The following TRIM14 variants were observed in gnomAD, a reference collection of about 807,000 sequenced individuals.
TRIM14 encodes tripartite motif containing 14, also known as tripartite motif-containing protein 14.
A neutral mutation model predicts 44.5 loss-of-function variants in TRIM14; 28 were observed. That is an observed-to-expected ratio of 0.63 (90% confidence interval 0.47 to 0.86). The LOEUF (loss-of-function observed/expected upper bound fraction) is 0.86, where lower values mean the gene tolerates loss of function less well. Among genes scored for constraint, TRIM14 ranks in the 40% least tolerant of loss-of-function variants. The pLI is 0.00. For missense variants in TRIM14, 607 were observed against 611.1 expected, an observed-to-expected ratio of 0.99 and a Z score of 0.07; for synonymous variants, 299 against 269.2, an observed-to-expected ratio of 1.11 and a Z score of -1.08.
intron 3 of TRIM14, among the ~76,000 whole-genome samples, chr9:98,099,318 G>A (rs1427268096): frequency 6.6e-6 from 1 of 152,002 alleles, no homozygotes; most frequent in African/African-American, 2.4e-5. Context: ...CACGCATGGT[G>A]GCACATGCCT....
the TRIM14 span, among the ~76,000 whole-genome samples, chr9:98,041,811 T>C: frequency 1.3e-5 from 2 of 150,868 alleles, no homozygotes; most frequent in Admixed American, 1.3e-4. Context: ...GCCTCCCGAG[T>C]AGCTGGGACT....
the TRIM14 span, chr9:98,056,840 G>A: frequency 6.2e-7 from 1 of 1,612,096 alleles, no homozygotes; most frequent in Admixed American, 1.7e-5. Context: ...TGTCCCGGGC[G>A]CTGGGTGGGC....
In TRIM14 at chr9:98,119,198, C is replaced by A. The variant is rs1719301493; in HGVS notation, c.-10G>T. ...TCGCCGCGCCCGCCATTCATCTCCACCTCCTCCGGCTCCCCGGGACACAGG... is the reference window on the plus strand; with the variant it reads ...TCGCCGCGCCCGCCATTCATCTCCAACTCCTCCGGCTCCCCGGGACACAGG... On this transcript the variant is annotated 5_prime_UTR_variant, in exon 1 of 6. Transcript: ENST00000341469. 6.4e-7 allele frequency: 1 copy of A among 1,567,806 alleles called. No homozygotes were observed. The highest frequency in any genetic ancestry group is 1.4e-5 in the African/African-American group (1 of 71,050).
chr9:98,078,403 G>A, intron 6 of TRIM14: 2 of 1,564,248 alleles, frequency 1.3e-6, no homozygotes, highest in Non-Finnish European at 8.7e-7. Flanking sequence ...GGAAGGCGTA[G>A]TCTTTTTTAT....
chr9:98,053,638 T>C, the TRIM14 span, among the ~76,000 whole-genome samples: 1 of 150,574 alleles, frequency 6.6e-6, no homozygotes. Context: ...ATGTTTAACA[T>C]ACACACACAC....
intron 6 of TRIM14, chr9:98,074,948 TC>T (rs1372389292): frequency 2.0e-5 from 3 of 152,150 alleles, no homozygotes; most frequent in African/African-American, 7.2e-5. Flanking sequence ...TGATGTTTTT[TC>T]AGTTCTGTCT....
chr9:98,119,175 G>T lies in TRIM14; in HGVS notation c.14C>A (p.Ala5Glu), dbSNP rs778053648. The T allele has an allele frequency of 6.4e-7, 1 of 1,573,210 alleles. No homozygotes were observed. Among genetic ancestry groups the T allele is most frequent in the Non-Finnish European group, 8.5e-7 (1 of 1,170,212 alleles). Residue 5 changes from alanine (A) to glutamate (E), a missense_variant, in exon 1 of 6, where the codon GCG becomes GAG. By Grantham distance (107) the Ala-to-Glu change is moderately radical (BLOSUM62 -1). Transcript: ENST00000341469. ...CCTCCCAGGGGTCCGGCTCCCGGTC[G>T]CCGCGCCCGCCATTCATCTCCACCT... MAGA[A>E]TGSRTPGRSE... is the part of the protein sequence containing the mutation.
At chr9:98,055,371 G>A in the TRIM14 span, among the ~76,000 whole-genome samples, 1 of 152,170 alleles carries the variant, frequency 6.6e-6, no homozygotes, top group Non-Finnish European at 1.5e-5. Context: ...AGGCCAGTAT[G>A]CCAGGAGTGC....
chr9:98,092,092 A>G lies in TRIM14; in HGVS notation c.701-91T>C, dbSNP rs147326016. 7.4e-5 allele frequency: 71 copies of G among 964,292 alleles called. No homozygotes were observed. The African/African-American group carries it at 1.0e-3, about 14-fold the overall frequency. The allele number at this position is 964,292 out of a possible 1,614,324, so 59.7% of individuals were successfully genotyped here. ...AAATACCACACAACTGGAGATTCGC[A>G]TAATCTCGCCCAAGAGCCAGGCAGA... On this transcript the variant is annotated intron_variant, in intron 4 of 5. Transcript: ENST00000341469.
Position 98,087,557 on chromosome 9 carries a change from C to G in TRIM14, c.1242G>C (p.Leu414=). The G allele has an allele frequency of 6.3e-7, 1 of 1,596,538 alleles. No homozygotes were observed. Among genetic ancestry groups the G allele is most frequent in the Non-Finnish European group, 8.5e-7 (1 of 1,173,772 alleles). Residue 414 remains leucine, a synonymous_variant, in exon 6 of 6, where the codon CTG becomes CTC. Coordinates refer to ENST00000341469, the MANE Select transcript of TRIM14 (RefSeq NM_014788.4). ...FYDVTGGMSH[L]HTFRATFQEP... ...CCTGGAACGTGGCGCGGAAGGTATG[C>G]AGGTGGCTCATGCCGCCCGTCACGT...
intron 3 of TRIM14, among the ~76,000 whole-genome samples, chr9:98,098,852 C>T (rs1826283919): frequency 2.0e-5 from 3 of 152,022 alleles, no homozygotes; most frequent in African/African-American, 7.2e-5. Flanking sequence ...GTGGCATGAT[C>T]TCGTTACTCA....
chr9:98,097,333 C>T (rs539665177), intron 3 of TRIM14, among the ~76,000 whole-genome samples: 4 of 152,302 alleles, frequency 2.6e-5, no homozygotes, highest in African/African-American at 9.6e-5. Flanking sequence ...CTTATACCCT[C>T]ACCTCTCCTC....
intron 2 of TRIM14, among the ~76,000 whole-genome samples, chr9:98,103,483 T>C (rs1826478134): frequency 6.6e-6 from 1 of 152,158 alleles, no homozygotes; most frequent in Admixed American, 6.5e-5. Flanking sequence ...TGTAGTTCCA[T>C]ACTATACCAT....
In TRIM14 at chr9:98,087,634, CGA is replaced by C; in HGVS notation, c.1163_1164del (p.Leu388ArgfsTer120). 4 of 1,604,902 alleles carry C rather than the reference CGA, an allele frequency of 2.5e-6. No individual in the cohort carries two copies. Among genetic ancestry groups the C allele is most frequent in the Non-Finnish European group, 3.4e-6 (4 of 1,178,536 alleles). ...QRSRLRPRDDLDRLGVFLDYE... is the reference protein window; with the variant it reads ...QRSRLRPRDDXDRLGVFLDYE... ...TAGTCCAGGAAGACGCCGAGCCGGTCGAGGTCGTCGCGGGGCCGCAGGCGGCT... is the reference window on the plus strand; with the variant it reads ...TAGTCCAGGAAGACGCCGAGCCGGTCGGTCGTCGCGGGGCCGCAGGCGGCT... On this transcript the variant is annotated frameshift_variant, in exon 6 of 6. Coordinates refer to ENST00000341469, the MANE Select transcript of TRIM14 (RefSeq NM_014788.4). LOFTEE classifies it high-confidence loss of function.
chr9:98,092,485 G>A (rs1202964786), intron 4 of TRIM14: 3 of 412,362 alleles, frequency 7.3e-6, no homozygotes, highest in East Asian at 7.5e-5. Context: ...TGGGGCCGCA[G>A]CTCACTCAGC....
At chr9:98,042,696 C>G in the TRIM14 span, among the ~76,000 whole-genome samples, 1 of 151,930 alleles carries the variant, frequency 6.6e-6, no homozygotes, top group Non-Finnish European at 1.5e-5. Context: ...ACGGTGAAAC[C>G]CCGTCTCTAC....
the TRIM14 span, among the ~76,000 whole-genome samples, chr9:98,050,785 C>CT: frequency 6.6e-6 from 1 of 151,982 alleles, no homozygotes; most frequent in Admixed American, 6.6e-5. Flanking sequence ...TTGCACATTT[C>CT]TTTTTTTGAA....
At chr9:98,105,186 C>G (rs1056315313) in intron 2 of TRIM14, among the ~76,000 whole-genome samples, 1 of 152,152 alleles carries the variant, frequency 6.6e-6, no homozygotes, top group African/African-American at 2.4e-5. Context: ...ACAGCTCCTG[C>G]GGGTCACAGA....
the TRIM14 span, among the ~76,000 whole-genome samples, chr9:98,045,034 A>C: frequency 1.3e-5 from 2 of 152,044 alleles, no homozygotes; most frequent in Admixed American, 6.6e-5. Context: ...AATTGCCTGA[A>C]CCCAGAAGGC....
Sources: allele counts gnomAD v4.1 joint callset (sites outside exome capture counted in the v4.1 genomes callset), GRCh38; gene constraint gnomAD v4.1.1; transcripts MANE v1.5; gene names NCBI Gene and HGNC (gene_info 2026-07-23, HGNC 2026-07-21).